TAF1: variants seen among roughly 807,000 people sequenced by gnomAD.
TAF1 encodes the protein transcription initiation factor TFIID subunit 1.
Under a neutral mutation model 138.5 loss-of-function variants are expected in TAF1, and 2 were observed. The observed-to-expected ratio is 0.01, with a 90% CI of 0.01 to 0.05. TAF1 has a LOEUF of 0.05. Among genes scored for constraint, TAF1 ranks in the 10% least tolerant of loss-of-function variants. The pLI is 1.00. For synonymous variants in TAF1, 437 were observed against 503.2 expected (o/e 0.87, Z 1.76); for missense variants, 709 against 1,478.0 (o/e 0.48, Z 8.53).
At chrX:71,406,915 GA>G (rs1232114736) in intron 26 of TAF1, among the ~76,000 whole-genome samples, 169 bp downstream of exon 26, 2 of 106,483 alleles carry the variant, frequency 1.9e-5, no homozygotes, top group African/African-American at 6.9e-5. Context: ...AGAGAAAGTG[GA>G]TTTTTTTTTT....
rs374932400 is a variant in TAF1, at chrX:71,382,753, A to G, written c.1666-8A>G. On this transcript the variant is annotated splice_region_variant and splice_polypyrimidine_tract_variant and intron_variant, in intron 10 of 37. Transcript: ENST00000423759. ...CTGACCGAGATTTGTTTGATTATCT[A>G]TCATTAGAACATGTCTCAGCCAGAA... 4.3e-5 allele frequency: 52 copies of G among 1,205,218 alleles called. No homozygotes were observed. Among genetic ancestry groups the G allele is most frequent in the South Asian group, 2.9e-4 (16 of 55,863 alleles).
rs2147459847 is a variant in TAF1 at position 71,464,741 on chromosome X, A to C, written c.*695A>C. The C allele has an allele frequency of 8.8e-6, 1 of 113,221 alleles. No homozygotes were observed. The highest frequency in any genetic ancestry group is 1.8e-5 in the Non-Finnish European group (1 of 54,606). The allele number at this position is 113,221 out of a possible 1,213,427, so 9.3% of individuals were successfully genotyped here. A position where few individuals can be genotyped will look rare whatever the true frequency, so the allele number is the denominator to read the frequency against. On this transcript the variant is annotated 3_prime_UTR_variant, in exon 38 of 38. Transcript: ENST00000423759. ...AAATTTCCAAGCATGGTATCATCTC[A>C]CTTTTCTAATTTACAGGCTGGAGCA...
At chrX:71,511,148 C>T (rs1322995682) in intron 13 of TAF1, among the ~76,000 whole-genome samples, 1 of 111,725 alleles carries the variant, frequency 9.0e-6, no homozygotes, top group Non-Finnish European at 1.9e-5. Context: ...ACTTGGGCTA[C>T]AGGAATATAC....
chrX:71,472,882 C>A (rs1434779372), intron 13 of TAF1, among the ~76,000 whole-genome samples: 1 of 112,243 alleles, frequency 8.9e-6, no homozygotes, highest in Non-Finnish European at 1.9e-5. Flanking sequence ...TTATCTGTTA[C>A]AAAGATATTT....
downstream of TAF1, among the ~76,000 whole-genome samples, chrX:71,468,963 G>A (rs962437712): frequency 2.7e-5 from 3 of 111,986 alleles, no homozygotes; most frequent in Admixed American, 2.9e-4. Flanking sequence ...ACTCCAGCCT[G>A]GGCAACAGAG....
intron 13 of TAF1, among the ~76,000 whole-genome samples, chrX:71,473,709 C>T (rs1332527931): frequency 9.2e-6 from 1 of 109,274 alleles, no homozygotes; most frequent in Non-Finnish European, 1.9e-5. Context: ...ACAACAATAA[C>T]AACAACAACA....
At chrX:71,426,576 A>G (rs1456223172) in intron 32 of TAF1, among the ~76,000 whole-genome samples, 6 of 110,741 alleles carry the variant, frequency 5.4e-5, no homozygotes, top group Non-Finnish European at 7.6e-5. Context: ...TTAGCTGGGC[A>G]TGGTGGTGCA....
chrX:71,435,656 A>G (rs2037101025), intron 32 of TAF1, among the ~76,000 whole-genome samples: 1 of 111,574 alleles, frequency 9.0e-6, no homozygotes, highest in Non-Finnish European at 1.9e-5. Context: ...GTTTTTTTCT[A>G]GTTTTCTGGT....
intron 13 of TAF1, among the ~76,000 whole-genome samples, chrX:71,500,444 A>G (rs189893183): frequency 3.6e-4 from 40 of 110,851 alleles, no homozygotes; most frequent in Non-Finnish European, 6.4e-4. Flanking sequence ...CTTAGGATGC[A>G]TTTCAAGGGT....
chrX:71,388,488 T>G, intron 16 of TAF1, 110 bp downstream of exon 16: 1 of 1,057,898 alleles, frequency 9.5e-7, no homozygotes, highest in Non-Finnish European at 1.3e-6. Context: ...TGATGGCTGT[T>G]GAAAGGAGGT....
intron 13 of TAF1, among the ~76,000 whole-genome samples, chrX:71,493,599 T>A (rs887793541): frequency 8.9e-6 from 1 of 112,778 alleles, no homozygotes; most frequent in Non-Finnish European, 1.9e-5. Context: ...TGCTGGTTAC[T>A]TGTGGAAGTG....
rs2039544757 is a variant in TAF1, at chrX:71,503,274, A to AT, written c.1367-25268_1367-25267insT. 1.2e-4 allele frequency among the ~76,000 whole-genome samples: 11 copies of AT among 91,331 alleles called. No homozygotes were observed. The East Asian group carries it at 1.6e-3, about 14-fold the overall frequency. 79.3% of individuals were successfully genotyped at this position (91,331 alleles called of 115,157 possible). A position where few individuals can be genotyped will look rare whatever the true frequency, so the allele number is the denominator to read the frequency against. Reference sequence around the variant, plus strand: ...TGACAGAGTGAGACTGTCTCAAAAAAAAAATATATATATATATATATGTGT... The same window carrying AT: ...TGACAGAGTGAGACTGTCTCAAAAAATAAAATATATATATATATATATGTGT... On this transcript the variant is annotated intron_variant and NMD_transcript_variant, in intron 13 of 14. Transcript: ENST00000373775.
At chrX:71,504,741 C>CAAAAA (rs41370846) in intron 13 of TAF1, among the ~76,000 whole-genome samples, 259 of 5,709 alleles carry the variant, frequency 0.045, 3 homozygotes, top group Non-Finnish European at 0.06. Context: ...GACCCTGTCT[C>CAAAAA]AAAAAAAAAA....
chrX:71,388,946 G>C, intron 17 of TAF1, 78 bp downstream of exon 17: 6 of 1,082,567 alleles, frequency 5.5e-6, no homozygotes, highest in Non-Finnish European at 7.4e-6. Flanking sequence ...AGAGATGAGA[G>C]AGAAGATTCT....
intron 28 of TAF1, among the ~76,000 whole-genome samples, chrX:71,410,543 C>T (rs188145095): frequency 3.1e-4 from 32 of 102,531 alleles, no homozygotes; most frequent in East Asian, 2.8e-3. Context: ...CTGCAAGCTC[C>T]GCCTCTCAGG....
intron 13 of TAF1, among the ~76,000 whole-genome samples, chrX:71,479,536 C>T (rs1389918762): frequency 1.8e-5 from 2 of 111,368 alleles, no homozygotes; most frequent in Non-Finnish European, 3.8e-5. Flanking sequence ...CACGCCACTC[C>T]ACTCCAGTCT....
chrX:71,506,611 C>T lies in TAF1; in HGVS notation c.1367-21931C>T, dbSNP rs775129939. Among the ~76,000 whole-genome samples, 36 of 103,965 alleles carry T rather than the reference C, an allele frequency of 3.5e-4. 1 individual carries two copies. Among genetic ancestry groups the T allele is most frequent in the African/African-American group, 1.1e-3 (32 of 28,129 alleles). The allele number at this position is 103,965 out of a possible 115,157, so 90.3% of individuals were successfully genotyped here. ...TCGGGAGGCTGAGGCAGAAGAATGG[C>T]GTGAACCCGGGAGGCGGAGCTTGCA... On this transcript the variant is annotated intron_variant and NMD_transcript_variant, in intron 13 of 14. Transcript: ENST00000373775.
intron 13 of TAF1, among the ~76,000 whole-genome samples, chrX:71,517,930 T>C (rs1030600860): frequency 9.1e-6 from 1 of 109,563 alleles, no homozygotes; most frequent in Non-Finnish European, 1.9e-5. Flanking sequence ...CCCAAGTACC[T>C]GGTACCACAA....
In TAF1 at chrX:71,505,993, C is replaced by G. The variant is rs763273491; in HGVS notation, c.1367-22549C>G. 6.5e-5 allele frequency among the ~76,000 whole-genome samples: 7 copies of G among 108,322 alleles called. No homozygotes were observed. In the East Asian group the frequency reaches 1.7e-3, roughly 27 times the overall value. The allele number at this position is 108,322 out of a possible 115,157, so 94.1% of individuals were successfully genotyped here. On this transcript the variant is annotated intron_variant and NMD_transcript_variant, in intron 13 of 14. Coordinates refer to the TAF1 transcript ENST00000373775. ...CGAGATCACACCACTGCACTCCAGC[C>G]CAGGCGACAGAGCAAGACTCTGCCT...
Sources: gnomAD v4.1 joint callset for allele counts (sites outside exome capture counted in the v4.1 genomes callset) on GRCh38, gnomAD v4.1.1 for gene constraint, MANE v1.5 for transcripts, NCBI Gene and HGNC (gene_info 2026-07-23, HGNC 2026-07-21) for gene names.